The following HAPLN1 variants were observed in gnomAD, a reference collection of about 807,000 sequenced individuals.
The protein encoded by HAPLN1 is hyaluronan and proteoglycan link protein 1.
Under a neutral mutation model 36.5 loss-of-function variants are expected in HAPLN1, and 13 were observed. The observed-to-expected ratio is 0.36, with a 90% CI of 0.23 to 0.57. HAPLN1 has a LOEUF of 0.57. Among genes scored for constraint, HAPLN1 ranks in the 20% least tolerant of loss-of-function variants. The pLI is 0.83. For synonymous variants in HAPLN1, 202 were observed against 169.8 expected, an observed-to-expected ratio of 1.19 and a Z score of -1.48; for missense variants, 407 against 439.7, an observed-to-expected ratio of 0.93 and a Z score of 0.66.
chr5:83,664,231 G>GT (rs148358170), intron 2 of HAPLN1, among the ~76,000 whole-genome samples: 11,116 of 152,006 alleles, frequency 0.073, 508 homozygotes, highest in East Asian at 0.17. Context: ...TCTGCCTCTG[G>GT]TTTTTTATGT....
chr5:83,648,425 A>G (rs1185122796), intron 3 of HAPLN1, among the ~76,000 whole-genome samples: 1 of 115,066 alleles, frequency 8.7e-6, no homozygotes, highest in Non-Finnish European at 1.9e-5. Context: ...ATATATATAT[A>G]TATATATATA....
chr5:83,698,919 T>C (rs1318465081), intron 1 of HAPLN1, among the ~76,000 whole-genome samples: 3 of 152,228 alleles, frequency 2.0e-5, no homozygotes, highest in Non-Finnish European at 4.4e-5. Flanking sequence ...ATCGTATACA[T>C]GATACTCAAT....
At chr5:83,666,031 T>G (rs1389624618) in intron 2 of HAPLN1, among the ~76,000 whole-genome samples, 1 of 152,204 alleles carries the variant, frequency 6.6e-6, no homozygotes, top group Non-Finnish European at 1.5e-5. Context: ...TTTCCTATGT[T>G]TTTAATGTTT....
At chr5:83,657,104 T>A (rs1208460735) in intron 2 of HAPLN1, among the ~76,000 whole-genome samples, 1 of 151,918 alleles carries the variant, frequency 6.6e-6, no homozygotes, top group East Asian at 1.9e-4. Flanking sequence ...TTTCTTTTTT[T>A]TTTTTTTTAA....
chr5:83,658,261 C>T (rs1750277966), intron 2 of HAPLN1, among the ~76,000 whole-genome samples: 1 of 152,144 alleles, frequency 6.6e-6, no homozygotes, highest in South Asian at 2.1e-4. Flanking sequence ...AATGAGCAGC[C>T]AGGATGGATT....
At chr5:83,672,263 A>C (rs2112597307) in intron 2 of HAPLN1, among the ~76,000 whole-genome samples, 1 of 152,312 alleles carries the variant, frequency 6.6e-6, no homozygotes, top group Non-Finnish European at 1.5e-5. Context: ...TAGAAGGTAA[A>C]AGGGTATTAT....
chr5:83,683,419 C>T (rs995110532), intron 1 of HAPLN1, among the ~76,000 whole-genome samples: 15 of 152,062 alleles, frequency 9.9e-5, no homozygotes, highest in Admixed American at 2.0e-4. Context: ...CGAGCAGCTA[C>T]GAAAAACTAA....
At chr5:83,683,820 C>T (rs1236287100) in intron 1 of HAPLN1, among the ~76,000 whole-genome samples, 1 of 152,164 alleles carries the variant, frequency 6.6e-6, no homozygotes, top group Non-Finnish European at 1.5e-5. Context: ...ACTGCAAATA[C>T]TGAGAGAATA....
At chr5:83,670,425 G>A (rs1302713770) in intron 2 of HAPLN1, among the ~76,000 whole-genome samples, 1 of 152,126 alleles carries the variant, frequency 6.6e-6, no homozygotes, top group African/African-American at 2.4e-5. Flanking sequence ...TTATATACAA[G>A]CTAATATCTT....
intron 1 of HAPLN1, among the ~76,000 whole-genome samples, chr5:83,708,589 G>A (rs746009912): frequency 4.6e-5 from 7 of 152,060 alleles, no homozygotes; most frequent in Non-Finnish European, 1.0e-4. Context: ...AGGGAAAAGA[G>A]CAGAAAAAGT....
chr5:83,674,799 C>T (rs1390425676), intron 1 of HAPLN1: 2 of 152,190 alleles, frequency 1.3e-5, no homozygotes, highest in African/African-American at 4.8e-5. Context: ...TACTCCAGAA[C>T]CTAATTCACT....
At chr5:83,687,018 G>A (rs1251543632) in intron 1 of HAPLN1, among the ~76,000 whole-genome samples, 1 of 152,046 alleles carries the variant, frequency 6.6e-6, no homozygotes, top group Non-Finnish European at 1.5e-5. Context: ...GAAGGTGACA[G>A]GTATTTTGGA....
intron 1 of HAPLN1, among the ~76,000 whole-genome samples, chr5:83,685,426 T>C (rs1751097610): frequency 6.6e-6 from 1 of 152,160 alleles, no homozygotes; most frequent in Non-Finnish European, 1.5e-5. Context: ...ACACAACCTG[T>C]AAAACTATAT....
At chr5:83,677,113 A>G (rs1036408721) in intron 1 of HAPLN1, among the ~76,000 whole-genome samples, 3 of 152,210 alleles carry the variant, frequency 2.0e-5, no homozygotes, top group Middle Eastern at 3.2e-3. Flanking sequence ...AGATCAAACC[A>G]AGTGAAAGGC....
At chr5:83,652,917 T>G (rs2112567738) in intron 2 of HAPLN1, 93 bp from the exon 3 acceptor site, 1 of 1,214,870 alleles carries the variant, frequency 8.2e-7, no homozygotes, top group East Asian at 2.6e-5. Flanking sequence ...ATAGGATATC[T>G]GACAAAGGAT....
chr5:83,716,067 T>C (rs184084716), intron 1 of HAPLN1, among the ~76,000 whole-genome samples: 5 of 152,158 alleles, frequency 3.3e-5, no homozygotes, highest in Admixed American at 3.3e-4. Context: ...AAATGAATGA[T>C]CAAATGAGGT....
chr5:83,708,493 T>A (rs1442484277), intron 1 of HAPLN1, among the ~76,000 whole-genome samples: 1 of 152,144 alleles, frequency 6.6e-6, no homozygotes, highest in African/African-American at 2.4e-5. Flanking sequence ...TTCTCACTTA[T>A]AAGTAGGAGC....
At chr5:83,650,405 T>C (rs1010055546) in intron 3 of HAPLN1, among the ~76,000 whole-genome samples, 2 of 143,322 alleles carry the variant, frequency 1.4e-5, no homozygotes, top group South Asian at 4.6e-4. Context: ...TATTTGAGAA[T>C]CTTTAATGGA....
chr5:83,640,659 C>T lies in HAPLN1; in HGVS notation c.*837G>A, dbSNP rs1749656860. ...ACAATTTTTCTGTCCAGCAGTTTAT[C>T]TATATAACTGCCCTGAGTAGATGCT... On this transcript the variant is annotated 3_prime_UTR_variant, in exon 5 of 5. Coordinates refer to ENST00000274341, the MANE Select transcript of HAPLN1 (RefSeq NM_001884.4). The T allele has an allele frequency of 6.6e-6, 1 of 152,124 alleles. No homozygotes were observed. Among genetic ancestry groups the T allele is most frequent in the Non-Finnish European group, 1.5e-5 (1 of 67,992 alleles). The allele number at this position is 152,124 out of a possible 1,614,324, so 9.4% of individuals were successfully genotyped here.
Sources: gnomAD v4.1 joint callset for allele counts (sites outside exome capture counted in the v4.1 genomes callset) on GRCh38, gnomAD v4.1.1 for gene constraint, MANE v1.5 for transcripts, NCBI Gene and HGNC (gene_info 2026-07-23, HGNC 2026-07-21) for gene names.